Variants in LINGO2 observed in about 807,000 individuals in gnomAD.
LINGO2 encodes the protein leucine rich repeat and Ig domain containing 2.
A neutral mutation model predicts 30.6 loss-of-function variants in LINGO2; 14 were observed. The observed-to-expected ratio is 0.46, with a 90% CI of 0.30 to 0.72. The LOEUF (loss-of-function observed/expected upper bound fraction) is 0.72. Ranked by LOEUF, LINGO2 falls within the 30% of genes least tolerant of loss-of-function variation. LINGO2 has a pLI of 0.07. For synonymous variants in LINGO2, 317 were observed against 288.5 expected (o/e 1.10, Z -1.00); for missense variants, 729 against 751.7 (o/e 0.97, Z 0.35).
At chr9:29,196,520 A>G in the LINGO2 span, among the ~76,000 whole-genome samples, 1 of 152,050 alleles carries the variant, frequency 6.6e-6, no homozygotes, top group Non-Finnish European at 1.5e-5. Context: ...TCACCTTGCA[A>G]AATGGTTAGC....
intron 3 of LINGO2, among the ~76,000 whole-genome samples, chr9:28,334,806 C>CA (rs774109277): frequency 3.3e-5 from 5 of 152,048 alleles, no homozygotes; most frequent in Non-Finnish European, 7.4e-5. Flanking sequence ...GGGTTTATGA[C>CA]AGTGGGCATT....
chr9:28,058,296 T>A (rs1825023667), intron 4 of LINGO2, among the ~76,000 whole-genome samples: 1 of 152,276 alleles, frequency 6.6e-6, no homozygotes, highest in Middle Eastern at 3.4e-3. Context: ...AGATATTCTA[T>A]TTATTAATAG....
In LINGO2 at chr9:28,248,985, T is replaced by G. The variant is rs116483627; in HGVS notation, c.-87+46223A>C. ...ATCTATGACAGGAACAGTGCTTTTCTAGGGCTTCTACAGATTATGCTCTCA... is the reference window on the plus strand; with the variant it reads ...ATCTATGACAGGAACAGTGCTTTTCGAGGGCTTCTACAGATTATGCTCTCA... On this transcript the variant is annotated intron_variant, in intron 4 of 5. Transcript: ENST00000379992. Among the ~76,000 whole-genome samples, 1,004 of 152,232 alleles carry G rather than the reference T, an allele frequency of 6.6e-3. 16 individuals are homozygous for G. Among genetic ancestry groups the G allele is most frequent in the African/African-American group, 0.022 (932 of 41,558 alleles).
chr9:28,259,091 T>C (rs1822479986), intron 4 of LINGO2, among the ~76,000 whole-genome samples: 1 of 152,006 alleles, frequency 6.6e-6, no homozygotes, highest in African/African-American at 2.4e-5. Context: ...TAGCAGACCC[T>C]GACAAGAAAA....
chr9:28,565,822 G>C (rs931634548), intron 1 of LINGO2, among the ~76,000 whole-genome samples: 19 of 152,174 alleles, frequency 1.2e-4, no homozygotes, highest in African/African-American at 4.3e-4. Flanking sequence ...CCAAAGTGCT[G>C]GGATTACAGG....
the LINGO2 span, among the ~76,000 whole-genome samples, chr9:28,976,280 T>C: frequency 1.3e-5 from 2 of 152,114 alleles, no homozygotes; most frequent in Non-Finnish European, 2.9e-5. Context: ...AGTAACAACA[T>C]AGAACCCTAG....
At chr9:28,990,507 T>C in the LINGO2 span, among the ~76,000 whole-genome samples, 1 of 152,134 alleles carries the variant, frequency 6.6e-6, no homozygotes, top group African/African-American at 2.4e-5. Flanking sequence ...GAGCAGTGGT[T>C]CTCCCAGCAT....
chr9:28,041,896 T>C (rs1824213139), intron 4 of LINGO2, among the ~76,000 whole-genome samples: 1 of 152,194 alleles, frequency 6.6e-6, no homozygotes, highest in Non-Finnish European at 1.5e-5. Flanking sequence ...TACTTTAGCA[T>C]GATCTTTGCA....
chr9:28,547,108 A>G (rs1821990041), intron 1 of LINGO2, among the ~76,000 whole-genome samples: 1 of 152,132 alleles, frequency 6.6e-6, no homozygotes. Flanking sequence ...ACATGTCTCC[A>G]TTTGTTCTAT....
intron 2 of LINGO2, among the ~76,000 whole-genome samples, chr9:28,394,682 G>T (rs183338201): frequency 1.6e-4 from 24 of 152,270 alleles, no homozygotes; most frequent in African/African-American, 5.8e-4. Context: ...TAACAGGTAA[G>T]AAATAAATTA....
chr9:28,593,501 CT>C (rs1825025402), intron 1 of LINGO2, among the ~76,000 whole-genome samples: 1 of 152,114 alleles, frequency 6.6e-6, no homozygotes, highest in East Asian at 1.9e-4. Flanking sequence ...GCAAATTGGT[CT>C]GTAGAAAGAA....
intron 3 of LINGO2, among the ~76,000 whole-genome samples, chr9:28,355,655 G>C (rs1484623681): frequency 6.6e-6 from 1 of 152,012 alleles, no homozygotes; most frequent in Non-Finnish European, 1.5e-5. Flanking sequence ...TACTTCTCTG[G>C]AACTTGGTTC....
At chr9:28,865,193 G>C in the LINGO2 span, among the ~76,000 whole-genome samples, 1 of 152,076 alleles carries the variant, frequency 6.6e-6, no homozygotes, top group Non-Finnish European at 1.5e-5. Flanking sequence ...TAGCTGAAAA[G>C]GAAAACTGCT....
chr9:28,801,684 T>A, the LINGO2 span, among the ~76,000 whole-genome samples: 1 of 152,090 alleles, frequency 6.6e-6, no homozygotes, highest in African/African-American at 2.4e-5. Context: ...GCTATGTTAA[T>A]CTTTTCTTTT....
chr9:28,878,863 C>T, the LINGO2 span, among the ~76,000 whole-genome samples: 4 of 152,140 alleles, frequency 2.6e-5, no homozygotes, highest in Non-Finnish European at 5.9e-5. Flanking sequence ...CTATCTATGA[C>T]AAACCCACAG....
chr9:28,855,152 G>GTT, the LINGO2 span, among the ~76,000 whole-genome samples: 1 of 151,890 alleles, frequency 6.6e-6, no homozygotes, highest in Non-Finnish European at 1.5e-5. Flanking sequence ...ATCATTCCAT[G>GTT]TTTTGCAAGA....
chr9:29,165,643 A>C, the LINGO2 span, among the ~76,000 whole-genome samples: 1 of 152,126 alleles, frequency 6.6e-6, no homozygotes, highest in Non-Finnish European at 1.5e-5. Context: ...AAGAAACTTG[A>C]ATTGCAGGAG....
the LINGO2 span, among the ~76,000 whole-genome samples, chr9:29,065,780 T>C: frequency 6.6e-6 from 1 of 151,854 alleles, no homozygotes; most frequent in African/African-American, 2.4e-5. Context: ...TTTCCCCATA[T>C]AAGCGGAAAT....
chr9:29,012,471 C>T, the LINGO2 span, among the ~76,000 whole-genome samples: 1 of 152,140 alleles, frequency 6.6e-6, no homozygotes, highest in Non-Finnish European at 1.5e-5. Flanking sequence ...GATAGAAGAA[C>T]TTCAGAATTT....
Sources: gnomAD v4.1 joint callset for allele counts (sites outside exome capture counted in the v4.1 genomes callset) on GRCh38, gnomAD v4.1.1 for gene constraint, MANE v1.5 for transcripts, NCBI Gene and HGNC (gene_info 2026-07-23, HGNC 2026-07-21) for gene names.